Variants in EVI5 observed in about 807,000 individuals in gnomAD.
The protein encoded by EVI5 is ecotropic viral integration site 5.
EVI5 carries 73 observed loss-of-function variants against 112.0 expected under a neutral mutation model. The observed-to-expected ratio is 0.65, with a 90% CI of 0.54 to 0.79. The LOEUF (loss-of-function observed/expected upper bound fraction) is 0.79, where lower values mean the gene tolerates loss of function less well. Among genes scored for constraint, EVI5 ranks in the 30% least tolerant of loss-of-function variants. The pLI is 0.00. For synonymous variants in EVI5, 305 were observed against 319.9 expected (o/e 0.95, Z 0.50); for missense variants, 900 against 968.8 (o/e 0.93, Z 0.94).
intron 1 of EVI5, among the ~76,000 whole-genome samples, chr1:92,740,035 A>G (rs926879227): frequency 6.0e-5 from 9 of 151,192 alleles, no homozygotes; most frequent in African/African-American, 2.2e-4. Context: ...GACTTCAGCT[A>G]TATACAGATG....
At chr1:92,695,204 G>T in intron 7 of EVI5, 106 bp downstream of exon 7, 1 of 862,010 alleles carries the variant, frequency 1.2e-6, no homozygotes, top group Non-Finnish European at 1.8e-6. Context: ...AAGCAGTTTT[G>T]CATGGGACAC....
chr1:92,694,626 G>T (rs984596910), intron 7 of EVI5, among the ~76,000 whole-genome samples: 1 of 152,150 alleles, frequency 6.6e-6, no homozygotes, highest in Non-Finnish European at 1.5e-5. Context: ...AAATAAATGG[G>T]CAGGGTTGTG....
intron 19 of EVI5, among the ~76,000 whole-genome samples, chr1:92,549,628 C>T (rs568875077): frequency 9.2e-4 from 140 of 152,162 alleles, no homozygotes; most frequent in African/African-American, 2.5e-3. Flanking sequence ...CCAGAATCTA[C>T]AAAGAACTCA....
chr1:92,634,299 G>A (rs530967588), intron 14 of EVI5, among the ~76,000 whole-genome samples: 25 of 152,226 alleles, frequency 1.6e-4, no homozygotes, highest in African/African-American at 2.2e-4. Flanking sequence ...CATTCTCCCC[G>A]TCACTTTCAG....
intron 19 of EVI5, among the ~76,000 whole-genome samples, chr1:92,549,140 C>T (rs1431280943): frequency 6.6e-6 from 1 of 151,846 alleles, no homozygotes; most frequent in African/African-American, 2.4e-5. Flanking sequence ...GTACTGGTAC[C>T]AAAACAGAGA....
At chr1:92,649,768 T>A (rs894853141) in intron 13 of EVI5, among the ~76,000 whole-genome samples, 3 of 152,192 alleles carry the variant, frequency 2.0e-5, no homozygotes, top group African/African-American at 4.8e-5. Context: ...GAGCTGATTG[T>A]GCCCTTACAC....
chr1:92,714,272 A>G, intron 2 of EVI5: 1 of 311,584 alleles, frequency 3.2e-6, no homozygotes, highest in Non-Finnish European at 4.7e-6. Context: ...ATGTTTCTTA[A>G]ATTTTAATTT....
At position 92,721,348 on chromosome 1, in the gene EVI5, T is replaced by C. The variant is rs544650927; in HGVS notation, c.149+15050A>G. 2.0e-4 allele frequency among the ~76,000 whole-genome samples: 30 copies of C among 152,194 alleles called. 1 individual carries two copies. Among genetic ancestry groups the C allele is most frequent in the African/African-American group, 7.2e-4 (30 of 41,528 alleles). ...TATACCATGGAATACTATGCAGCCA[T>C]AAAAAAGGATGAGTTCATGTACTTT... On this transcript the variant is annotated intron_variant, in intron 2 of 19. Transcript: ENST00000684568.
rs553609349 is a variant in EVI5 at position 92,592,199 on chromosome 1, T to C, written c.2070+13108A>G. Among the ~76,000 whole-genome samples the C allele has an allele frequency of 2.1e-3, 319 of 152,146 alleles. 2 individuals are homozygous for C. Among genetic ancestry groups the C allele is most frequent in the Middle Eastern group, 6.8e-3 (2 of 294 alleles). The stretch of plus-strand genomic sequence containing the variant: ...CAGAGCTTGCAGTGAGCCAGGACCT[T>C]GCCACTGCACTCCGGCCTAGGTGAC... On this transcript the variant is annotated intron_variant, in intron 18 of 19. Transcript: ENST00000684568.
intron 1 of EVI5, among the ~76,000 whole-genome samples, chr1:92,769,932 T>C (rs547971559): frequency 4.6e-5 from 7 of 152,140 alleles, no homozygotes; most frequent in Non-Finnish European, 1.0e-4. Flanking sequence ...TCTTGAATTA[T>C]CTGGGTTGTG....
intron 9 of EVI5, among the ~76,000 whole-genome samples, chr1:92,680,985 C>T (rs1028948975): frequency 6.6e-5 from 10 of 151,974 alleles, no homozygotes; most frequent in African/African-American, 1.9e-4. Context: ...GGACCCTGGA[C>T]GGAGGGTGGG....
intron 18 of EVI5, among the ~76,000 whole-genome samples, chr1:92,599,073 A>G (rs1486451055): frequency 1.3e-5 from 2 of 151,660 alleles, no homozygotes; most frequent in African/African-American, 2.4e-5. Context: ...GTATATAAAT[A>G]TACTATATAT....
intron 16 of EVI5, among the ~76,000 whole-genome samples, chr1:92,623,818 C>CAGCT (rs780401478): frequency 7.2e-5 from 11 of 152,182 alleles, no homozygotes; most frequent in Non-Finnish European, 1.3e-4. Context: ...ACGCATGGAC[C>CAGCT]AGCTCCGTAA....
chr1:92,661,318 C>G (rs967724839), intron 13 of EVI5, among the ~76,000 whole-genome samples: 3 of 152,096 alleles, frequency 2.0e-5, no homozygotes, highest in Non-Finnish European at 2.9e-5. Flanking sequence ...TATGCTCATT[C>G]ACTTTATTAT....
chr1:92,530,377 A>G (rs1662657941), intron 19 of EVI5, among the ~76,000 whole-genome samples: 1 of 152,106 alleles, frequency 6.6e-6, no homozygotes, highest in Admixed American at 6.6e-5. Context: ...AGACTTATAC[A>G]TCCCTGCCTG....
At chr1:92,515,987 G>A (rs1314423115) in intron 19 of EVI5, among the ~76,000 whole-genome samples, 2 of 152,084 alleles carry the variant, frequency 1.3e-5, no homozygotes, top group Non-Finnish European at 2.9e-5. Context: ...ATTCTCCTTG[G>A]CAGAACAGAG....
intron 19 of EVI5, among the ~76,000 whole-genome samples, chr1:92,538,177 C>T (rs953665319): frequency 2.6e-5 from 4 of 152,138 alleles, no homozygotes; most frequent in African/African-American, 9.7e-5. Context: ...TGTCTTCTTC[C>T]TGGCAGCTGA....
At chr1:92,712,671 C>T (rs1486437793) in intron 2 of EVI5, among the ~76,000 whole-genome samples, 1 of 151,926 alleles carries the variant, frequency 6.6e-6, no homozygotes, top group Non-Finnish European at 1.5e-5. Flanking sequence ...ACAGACCTTT[C>T]CTATGATTAA....
intron 9 of EVI5, among the ~76,000 whole-genome samples, chr1:92,679,056 G>A (rs1667191813): frequency 6.6e-6 from 1 of 152,164 alleles, no homozygotes. Context: ...TGAACGGCAG[G>A]CAAGTGAACA....
Sources: allele counts gnomAD v4.1 joint callset (sites outside exome capture counted in the v4.1 genomes callset), GRCh38; gene constraint gnomAD v4.1.1; transcripts MANE v1.5; gene names NCBI Gene and HGNC (gene_info 2026-07-23, HGNC 2026-07-21).